MMP24: variants seen among roughly 807,000 people sequenced by gnomAD.
MMP24 encodes matrix metalloproteinase-24.
A neutral mutation model predicts 62.8 loss-of-function variants in MMP24; 25 were observed. That is an observed-to-expected ratio of 0.40 (90% CI 0.29 to 0.56). The LOEUF is 0.56. Among genes scored for constraint, MMP24 ranks in the 20% least tolerant of loss-of-function variants. The pLI, the probability that MMP24 is intolerant of heterozygous loss-of-function variation, is 0.50. For missense variants in MMP24, 634 were observed against 853.6 expected, an observed-to-expected ratio of 0.74 and a Z score of 3.21; for synonymous variants, 319 against 350.5, an observed-to-expected ratio of 0.91 and a Z score of 1.00.
chr20:35,257,943 T>C (rs535834034), intron 4 of MMP24, among the ~76,000 whole-genome samples: 1 of 152,326 alleles, frequency 6.6e-6, no homozygotes, highest in South Asian at 2.1e-4. Context: ...CAAAATTTAT[T>C]GAGCATCCAT....
chr20:35,249,230 T>C (rs1461612189), intron 2 of MMP24, among the ~76,000 whole-genome samples: 1 of 152,178 alleles, frequency 6.6e-6, no homozygotes. Context: ...TTTCCTCCCC[T>C]AGGTGCCTTT....
At chr20:35,244,334 A>G (rs1387898063) in intron 1 of MMP24, among the ~76,000 whole-genome samples, 3 of 152,214 alleles carry the variant, frequency 2.0e-5, no homozygotes, top group African/African-American at 7.2e-5. Context: ...TGTGGGCTCA[A>G]CAAATACACG....
At chr20:35,238,497 A>ATT (rs2060473991) in intron 1 of MMP24, among the ~76,000 whole-genome samples, 1 of 152,190 alleles carries the variant, frequency 6.6e-6, no homozygotes, top group Non-Finnish European at 1.5e-5. Flanking sequence ...AATAGAAGGA[A>ATT]CAATACGTGT....
At position 35,271,579 on chromosome 20, in the gene MMP24, T is replaced by C. The variant is rs770125965; in HGVS notation, c.1344T>C (p.Tyr448=). 8 of 1,613,056 alleles carry C rather than the reference T, an allele frequency of 5.0e-6. No homozygotes were observed. The highest frequency in any genetic ancestry group is 1.1e-5 in the South Asian group (1 of 90,806). Residue 448 remains tyrosine (Y), a synonymous_variant, in exon 8 of 9, where the codon TAT becomes TAC. Coordinates refer to ENST00000246186, the MANE Select transcript of MMP24 (RefSeq NM_006690.4). The surrounding 1 kb of genome is among the most constrained non-coding windows in gnomAD (Gnocchi z 4.0). Reference sequence around the variant, plus strand: ...TCCTCTTGGCCACAGGTGACAAGTATTGGGTGTTTAAGGAGGTGACGGTGG... The same window carrying C: ...TCCTCTTGGCCACAGGTGACAAGTACTGGGTGTTTAAGGAGGTGACGGTGG... ...GRFVFFKGDK[Y]WVFKEVTVEP...
Position 35,271,176 on chromosome 20 carries a change from T to C in MMP24, c.1334-393T>C, listed in dbSNP as rs1468116886. Among the ~76,000 whole-genome samples the C allele has an allele frequency of 6.6e-6, 1 of 152,230 alleles. No individual in the cohort carries two copies. The highest frequency in any genetic ancestry group is 1.9e-4 in the East Asian group (1 of 5,166). Reference sequence around the variant, plus strand: ...CCTCTGTGGTGCAGATGAGGAGCTCTGGGGAGCCAGCCAATGCAGAGCTGC... The same window carrying C: ...CCTCTGTGGTGCAGATGAGGAGCTCCGGGGAGCCAGCCAATGCAGAGCTGC... On this transcript the variant is annotated intron_variant, in intron 7 of 8. Coordinates refer to ENST00000246186, the MANE Select transcript of MMP24 (RefSeq NM_006690.4). This position sits in a 1 kb window ranked among gnomAD's most constrained non-coding sequence, Gnocchi z 4.0.
chr20:35,250,733 A>G (rs1336351494), intron 2 of MMP24, among the ~76,000 whole-genome samples: 6 of 152,096 alleles, frequency 3.9e-5, no homozygotes, highest in African/African-American at 1.4e-4. Flanking sequence ...GCACATCATC[A>G]TATGGCAGGA....
At chr20:35,234,258 C>T (rs1055680707) in intron 1 of MMP24, among the ~76,000 whole-genome samples, 3 of 152,154 alleles carry the variant, frequency 2.0e-5, no homozygotes, top group East Asian at 1.9e-4. Flanking sequence ...TCAGGGAGGC[C>T]ATCCCTGATA....
chr20:35,250,385 C>T (rs1398539052), intron 2 of MMP24, among the ~76,000 whole-genome samples: 4 of 152,016 alleles, frequency 2.6e-5, no homozygotes, highest in Admixed American at 2.6e-4. Context: ...CATAGTGAAA[C>T]CCTGTCTGTA....
intron 2 of MMP24, among the ~76,000 whole-genome samples, chr20:35,250,087 G>A (rs2060536696): frequency 6.6e-6 from 1 of 151,946 alleles, no homozygotes; most frequent in South Asian, 2.1e-4. Context: ...CTAGTAGCTG[G>A]GACTACAGGC....
At chr20:35,267,866 C>CT in intron 6 of MMP24, 1 of 187,902 alleles carries the variant, frequency 5.3e-6, no homozygotes, top group Non-Finnish European at 1.1e-5. Context: ...TGAGGGGCTG[C>CT]TACTGGCAGC....
intron 3 of MMP24, among the ~76,000 whole-genome samples, chr20:35,253,272 T>TA (rs1491073524): frequency 2.0e-4 from 14 of 69,640 alleles, no homozygotes; most frequent in Admixed American, 1.7e-3. Context: ...GAACGGGACT[T>TA]TTTTTTTTTT....
chr20:35,227,313 G>T (rs928811212), intron 1 of MMP24, among the ~76,000 whole-genome samples: 1 of 151,832 alleles, frequency 6.6e-6, no homozygotes, highest in African/African-American at 2.4e-5. Flanking sequence ...CAACGCCTCG[G>T]AGTAAATAGT....
chr20:35,264,602 G>A (rs1468744219), intron 5 of MMP24, among the ~76,000 whole-genome samples: 1 of 151,180 alleles, frequency 6.6e-6, no homozygotes, highest in Non-Finnish European at 1.5e-5. Flanking sequence ...CAGCTACTTG[G>A]GAGGCTGAGG....
At chr20:35,252,368 C>G (rs1292990617) in intron 3 of MMP24, among the ~76,000 whole-genome samples, 1 of 152,136 alleles carries the variant, frequency 6.6e-6, no homozygotes, top group Non-Finnish European at 1.5e-5. Flanking sequence ...TTGCAGTGAG[C>G]TATATCATGC....
chr20:35,244,856 T>C (rs922342360), intron 1 of MMP24, among the ~76,000 whole-genome samples: 2 of 151,994 alleles, frequency 1.3e-5, no homozygotes, highest in South Asian at 2.1e-4. Flanking sequence ...AAAAAATCAC[T>C]CCATGCATAA....
Position 35,274,638 on chromosome 20 carries a change from G to T in MMP24, c.*29G>T. 1 of 1,542,944 alleles carries T rather than the reference G, an allele frequency of 6.5e-7. No homozygotes were observed. The highest frequency in any genetic ancestry group is 8.8e-7 in the Non-Finnish European group (1 of 1,139,560). ...GCCCAGAGCCCTCTCTATCCACTTG[G>T]TCTGGCCAGCCAGGCCCTTCCTCAC... On this transcript the variant is annotated 3_prime_UTR_variant, in exon 9 of 9. Transcript: ENST00000246186. The surrounding 1 kb of genome is among the most constrained non-coding windows in gnomAD (Gnocchi z 5.1).
chr20:35,250,046 A>T (rs2060536561), intron 2 of MMP24, among the ~76,000 whole-genome samples: 5 of 149,686 alleles, frequency 3.3e-5, no homozygotes, highest in Admixed American at 3.3e-4. Flanking sequence ...TCAACTTTCC[A>T]AGCTCAGGTG....
Position 35,269,879 on chromosome 20 carries a change from G to T in MMP24, c.1314G>T (p.Gly438=). 1.3e-6 allele frequency: 2 copies of T among 1,552,050 alleles called. No individual in the cohort carries two copies. Among genetic ancestry groups the T allele is most frequent in the Non-Finnish European group, 1.7e-6 (2 of 1,147,140 alleles). The change falls in exon 7 of 9, where the codon GGG becomes GGT. Residue 438 remains glycine (G), a synonymous_variant. Coordinates refer to ENST00000246186, the MANE Select transcript of MMP24 (RefSeq NM_006690.4). This position sits in a 1 kb window ranked among gnomAD's most constrained non-coding sequence, Gnocchi z 4.6. Reference sequence around the variant, plus strand: ...ACGCAGCCTATGAAAGGGCCGATGGGAGATTTGTCTTCTTCAAAGGTAATG... The same window carrying T: ...ACGCAGCCTATGAAAGGGCCGATGGTAGATTTGTCTTCTTCAAAGGTAATG... ...RIDAAYERAD[G]RFVFFKGDKY...
chr20:35,229,187 C>A (rs901346689), intron 1 of MMP24, among the ~76,000 whole-genome samples: 3 of 152,172 alleles, frequency 2.0e-5, no homozygotes, highest in African/African-American at 7.2e-5. Flanking sequence ...TTCAAGCATT[C>A]GCTCACTCTC....
Sources: gnomAD v4.1 joint callset for allele counts (sites outside exome capture counted in the v4.1 genomes callset) on GRCh38, gnomAD v4.1.1 for gene constraint, Gnocchi (gnomAD v3.1) non-coding constraint, MANE v1.5 for transcripts, NCBI Gene and HGNC (gene_info 2026-07-23, HGNC 2026-07-21) for gene names.